CD82: variants seen among roughly 807,000 people sequenced by gnomAD.
The protein encoded by CD82 is CD82 molecule, also known as CD82 antigen.
Under a neutral mutation model 37.4 loss-of-function variants are expected in CD82, and 36 were observed. That is an observed-to-expected ratio of 0.96 (90% confidence interval 0.74 to 1.27). The LOEUF (loss-of-function observed/expected upper bound fraction) is 1.27, where lower values mean the gene tolerates loss of function less well. CD82 is among the 50% of genes most tolerant of loss of function. CD82 has a pLI of 0.00. For missense variants in CD82, 340 were observed against 347.0 expected, an observed-to-expected ratio of 0.98 and a Z score of 0.16; for synonymous variants, 158 against 137.4, an observed-to-expected ratio of 1.15 and a Z score of -1.05.
intron 6 of CD82, chr11:44,606,078 T>A (rs1430460573): frequency 6.6e-6 from 1 of 152,504 alleles, no homozygotes; most frequent in African/African-American, 2.4e-5. Flanking sequence ...CTCGCTGGGA[T>A]GGCTTTCCTG....
At chr11:44,613,487 G>A (rs1565094988) in intron 6 of CD82, among the ~76,000 whole-genome samples, 1 of 152,168 alleles carries the variant, frequency 6.6e-6, no homozygotes, top group African/African-American at 2.4e-5. Context: ...CCACAAGAAG[G>A]AACCCTTAAT....
intron 4 of CD82, chr11:44,604,852 T>G (rs1853364634): frequency 3.2e-6 from 2 of 632,932 alleles, no homozygotes; most frequent in African/African-American, 1.8e-5. Context: ...TGGATGAGGG[T>G]GTGGATTGCA....
chr11:44,604,345 C>A, intron 4 of CD82: 1 of 155,980 alleles, frequency 6.4e-6, no homozygotes. Flanking sequence ...AAGAGTGTGG[C>A]ACTGGAGATT....
chr11:44,594,265 G>T (rs12576112), intron 2 of CD82, among the ~76,000 whole-genome samples: 21,651 of 152,090 alleles, frequency 0.14, 1,710 homozygotes, highest in South Asian at 0.21. Flanking sequence ...TCACCTCTGG[G>T]TCTCTGTCAA....
rs1853488740 is a variant in CD82 at position 44,611,976 on chromosome 11, ATGT to A, written c.337-3292_337-3290del. Among the ~76,000 whole-genome samples, 7 of 152,268 alleles carry A rather than the reference ATGT, an allele frequency of 4.6e-5. No individual in the cohort carries two copies. The South Asian group carries it at 1.5e-3, about 32-fold the overall frequency. On this transcript the variant is annotated intron_variant, in intron 6 of 9. Coordinates refer to ENST00000227155, the MANE Select transcript of CD82 (RefSeq NM_002231.4). ...GGTTTAAACAGAGCCTCAGTGCAAC[ATGT>A]TGTGAGGAAGCTGGGTGGGTGGGGA...
chr11:44,593,352 AC>A (rs1004611169), intron 2 of CD82, among the ~76,000 whole-genome samples: 8 of 150,872 alleles, frequency 5.3e-5, no homozygotes, highest in Admixed American at 4.0e-4. Context: ...CGTCCCCTCC[AC>A]CCCCCCAGCC....
rs752510747 is a variant in CD82 at position 44,594,670 on chromosome 11, C to T, written c.8C>T (p.Ser3Leu). The change falls in exon 3 of 10, where the codon TCA becomes TTA. Residue 3 changes from serine to leucine, a missense_variant. Coordinates refer to ENST00000227155, the MANE Select transcript of CD82 (RefSeq NM_002231.4). ...AGCTCCAGGACTGGCGGGATGGGCT[C>T]AGCCTGTATCAAAGTCACCAAATAC... MG[S>L]ACIKVTKYFL... 7 of 1,613,680 alleles carry T rather than the reference C, an allele frequency of 4.3e-6. No homozygotes were observed. The South Asian group carries it at 5.5e-5, about 13-fold the overall frequency.
rs74873596 is a variant in CD82 at position 44,586,525 on chromosome 11, G to A, written c.-102-950G>A. Among the ~76,000 whole-genome samples the A allele has an allele frequency of 7.8e-3, 1,181 of 152,290 alleles. 20 individuals carry two copies. Among genetic ancestry groups the A allele is most frequent in the African/African-American group, 0.027 (1,122 of 41,552 alleles). On this transcript the variant is annotated intron_variant, in intron 1 of 9. Coordinates refer to ENST00000227155, the MANE Select transcript of CD82 (RefSeq NM_002231.4). ...AAAATAATCAGCCAGGCATCGTGGC[G>A]TGTACCTGTGGTCCCAACTCTATGG...
At chr11:44,615,161 G>A (rs1032409067) in intron 6 of CD82, 111 bp from the exon 7 acceptor site, 29 of 701,342 alleles carry the variant, frequency 4.1e-5, no homozygotes, top group East Asian at 1.9e-4. Flanking sequence ...AGCCATGAGC[G>A]TGTCCCAGGG....
chr11:44,585,481 G>A (rs1299173033), intron 1 of CD82, among the ~76,000 whole-genome samples: 2 of 152,234 alleles, frequency 1.3e-5, no homozygotes, highest in African/African-American at 4.8e-5. Context: ...TGCAGGAAGA[G>A]TGGGAGGAGA....
intron 1 of CD82, among the ~76,000 whole-genome samples, chr11:44,569,181 G>A (rs1852780591): frequency 6.6e-6 from 1 of 152,152 alleles, no homozygotes; most frequent in Non-Finnish European, 1.5e-5. Context: ...AGCTGGGAGG[G>A]GAAGCCCAGA....
At chr11:44,617,105 G>A (rs10838316) in intron 7 of CD82, among the ~76,000 whole-genome samples, 29,385 of 152,078 alleles carry the variant, frequency 0.19, 3,654 homozygotes, top group African/African-American at 0.35. Context: ...GGAAGGAAGC[G>A]GTCCAGGAAC....
chr11:44,566,734 G>A (rs570411287), intron 1 of CD82, among the ~76,000 whole-genome samples: 146 of 152,308 alleles, frequency 9.6e-4, no homozygotes, highest in African/African-American at 3.4e-3. Flanking sequence ...ACCTCCCTCT[G>A]TGACAGCTGC....
intron 1 of CD82, among the ~76,000 whole-genome samples, chr11:44,572,292 A>G (rs1852825056): frequency 6.6e-6 from 1 of 152,218 alleles, no homozygotes; most frequent in Non-Finnish European, 1.5e-5. Flanking sequence ...TACGAAATAC[A>G]ATTATATAGA....
chr11:44,618,632 C>CCTTGCAGGGCTGCATG lies in CD82; in HGVS notation c.643-7_651dup. On this transcript the variant is annotated splice_region_variant and splice_polypyrimidine_tract_variant and intron_variant, in intron 8 of 9. Coordinates refer to ENST00000227155, the MANE Select transcript of CD82 (RefSeq NM_002231.4). ...GCGGGGTGATGTGACCGCATTCTGC[C>CCTTGCAGGGCTGCATG]CTTGCAGGGCTGCATGGAGAAGGTG... 1 of 1,608,280 alleles carries CCTTGCAGGGCTGCATG rather than the reference C, an allele frequency of 6.2e-7. No homozygotes were observed. The highest frequency in any genetic ancestry group is 8.5e-7 in the Non-Finnish European group (1 of 1,178,444).
Position 44,590,035 on chromosome 11 carries a change from G to A in CD82, c.-21+2479G>A, listed in dbSNP as rs914496189. Among the ~76,000 whole-genome samples, 12 of 151,694 alleles carry A rather than the reference G, an allele frequency of 7.9e-5. No individual in the cohort carries two copies. The South Asian group carries it at 2.1e-3, about 26-fold the overall frequency. On this transcript the variant is annotated intron_variant, in intron 2 of 9. Transcript: ENST00000227155. ...TTTTTAGTAGAGACAGGGTTTCACCGTATTAGTCAGGATGGTCTCGATCTC... is the reference window on the plus strand; with the variant it reads ...TTTTTAGTAGAGACAGGGTTTCACCATATTAGTCAGGATGGTCTCGATCTC...
chr11:44,599,613 G>A (rs1853277346), intron 3 of CD82, among the ~76,000 whole-genome samples: 1 of 152,260 alleles, frequency 6.6e-6, no homozygotes, highest in Non-Finnish European at 1.5e-5. Context: ...ACAGCAGTTA[G>A]ACCCAGTCGG....
intron 8 of CD82, 95 bp from the exon 9 acceptor site, chr11:44,618,545 G>A (rs1055417301): frequency 3.4e-6 from 4 of 1,164,850 alleles, no homozygotes; most frequent in Admixed American, 3.6e-5. Context: ...CTCTGTAGGG[G>A]CTTCCGGGCT....
intron 4 of CD82, among the ~76,000 whole-genome samples, chr11:44,602,507 AG>A (rs1853321942): frequency 6.6e-6 from 1 of 152,208 alleles, no homozygotes; most frequent in South Asian, 2.1e-4. Context: ...TTCAAGTAGC[AG>A]GCTTTAGACC....
Sources: gnomAD v4.1 joint callset for allele counts (sites outside exome capture counted in the v4.1 genomes callset) on GRCh38, gnomAD v4.1.1 for gene constraint, MANE v1.5 for transcripts, NCBI Gene and HGNC (gene_info 2026-07-23, HGNC 2026-07-21) for gene names.